AIG1: variants seen among roughly 807,000 people sequenced by gnomAD.
AIG1 encodes androgen induced 1.
In AIG1, 23 loss-of-function variants were observed where a neutral mutation model predicts 31.4. That is an observed-to-expected ratio of 0.73 (90% CI 0.53 to 1.04). AIG1 has a LOEUF of 1.04. Ranked by LOEUF, AIG1 falls within the 50% of genes least tolerant of loss-of-function variation. The pLI, the probability that AIG1 is intolerant of heterozygous loss-of-function variation, is 0.00. For synonymous variants in AIG1, 100 were observed against 110.5 expected (o/e 0.90, Z 0.60); for missense variants, 274 against 295.0 (o/e 0.93, Z 0.52).
intron 2 of AIG1, among the ~76,000 whole-genome samples, chr6:143,162,851 G>A (rs1183481695): frequency 2.6e-5 from 4 of 152,142 alleles, no homozygotes; most frequent in African/African-American, 9.7e-5. Context: ...TGTGGGCAGG[G>A]AATTCCAGGC....
At chr6:143,165,400 G>C (rs1428917996) in intron 3 of AIG1, among the ~76,000 whole-genome samples, 1 of 152,180 alleles carries the variant, frequency 6.6e-6, no homozygotes, top group African/African-American at 2.4e-5. Context: ...CGATGTAGTA[G>C]ATGAATCCAC....
chr6:143,099,108 G>A (rs567725003), intron 1 of AIG1, among the ~76,000 whole-genome samples: 1 of 152,256 alleles, frequency 6.6e-6, no homozygotes, highest in South Asian at 2.1e-4. Context: ...AAGACCATCA[G>A]TTTTCACTTA....
chr6:143,216,805 C>T (rs927044990), intron 3 of AIG1, among the ~76,000 whole-genome samples: 4 of 152,260 alleles, frequency 2.6e-5, no homozygotes, highest in South Asian at 2.1e-4. Flanking sequence ...TCCCCAGCTG[C>T]GTGAGGACAG....
chr6:143,100,612 A>G (rs1353712361), intron 1 of AIG1, among the ~76,000 whole-genome samples: 2 of 152,160 alleles, frequency 1.3e-5, no homozygotes, highest in African/African-American at 4.8e-5. Context: ...CAATATATAC[A>G]TTGCAAGCCT....
At chr6:143,259,277 A>C (rs1795578047) in intron 3 of AIG1, among the ~76,000 whole-genome samples, 1 of 152,222 alleles carries the variant, frequency 6.6e-6, no homozygotes, top group African/African-American at 2.4e-5. Flanking sequence ...AGACTAAGAC[A>C]ACCTGCATTT....
At chr6:143,301,227 C>T (rs1331316135) in intron 4 of AIG1, among the ~76,000 whole-genome samples, 1 of 152,184 alleles carries the variant, frequency 6.6e-6, no homozygotes, top group African/African-American at 2.4e-5. Flanking sequence ...TTGCAATGTT[C>T]AAGGCAGTCA....
At chr6:143,096,455 G>A (rs1779800959) in intron 1 of AIG1, among the ~76,000 whole-genome samples, 2 of 152,288 alleles carry the variant, frequency 1.3e-5, no homozygotes, top group South Asian at 4.1e-4. Flanking sequence ...AGTTTCAAAG[G>A]TAAATTGCAG....
At chr6:143,066,854 T>C (rs1776760379) in intron 1 of AIG1, among the ~76,000 whole-genome samples, 1 of 152,130 alleles carries the variant, frequency 6.6e-6, no homozygotes, top group Admixed American at 6.5e-5. Context: ...TTCAAGGTAA[T>C]TTATCACTCA....
Position 143,166,635 on chromosome 6 carries a change from G to T in AIG1, c.399+1452G>T, listed in dbSNP as rs111930801. The stretch of plus-strand genomic sequence containing the variant: ...TCCAAGCACTTCGCCCAGTTGTCTG[G>T]CATACAGTAGGATCAATACATATTT... On this transcript the variant is annotated intron_variant, in intron 3 of 5. Coordinates refer to ENST00000357847, the MANE Select transcript of AIG1 (RefSeq NM_016108.4). Among the ~76,000 whole-genome samples the T allele has an allele frequency of 7.5e-3, 1,145 of 152,280 alleles. 7 individuals are homozygous for T. Among genetic ancestry groups the T allele is most frequent in the African/African-American group, 0.026 (1,074 of 41,558 alleles).
At chr6:143,157,874 G>GAC (rs2128555386) in intron 2 of AIG1, among the ~76,000 whole-genome samples, 1 of 152,136 alleles carries the variant, frequency 6.6e-6, no homozygotes. Context: ...TCCTCTCTAT[G>GAC]TTTTTTGTGT....
intron 3 of AIG1, among the ~76,000 whole-genome samples, chr6:143,224,238 C>T (rs137980991): frequency 1.3e-5 from 2 of 152,348 alleles, no homozygotes; most frequent in African/African-American, 4.8e-5. Flanking sequence ...TAAGACCACA[C>T]ATCCAAACCG....
At chr6:143,272,905 C>T (rs770646088) in intron 3 of AIG1, among the ~76,000 whole-genome samples, 81 of 152,140 alleles carry the variant, frequency 5.3e-4, no homozygotes, top group African/African-American at 1.6e-3. Context: ...CCGAGGTGGG[C>T]GAATCACAAG....
At chr6:143,060,804 G>GC (rs1227735388), upstream of AIG1, 23 of 25,714 alleles carry the variant, frequency 8.9e-4, no homozygotes, top group African/African-American at 2.3e-3. Flanking sequence ...CCCCGCCCCC[G>GC]CCCCGCCCCG....
In AIG1 at chr6:143,284,099, T is replaced by C; in HGVS notation, c.400-11T>C. ...AGCAATCTGTGTCACCTAGTCTCTG[T>C]TATTTTCCAGCACACGACGGTTCTG... On this transcript the variant is annotated splice_polypyrimidine_tract_variant and intron_variant, in intron 3 of 5. Transcript: ENST00000357847. The surrounding 1 kb of genome is among the most constrained non-coding windows in gnomAD (Gnocchi z 4.4). The C allele has an allele frequency of 6.2e-7, 1 of 1,600,386 alleles. No individual in the cohort carries two copies. Among genetic ancestry groups the C allele is most frequent in the Non-Finnish European group, 8.6e-7 (1 of 1,167,952 alleles).
intron 3 of AIG1, chr6:143,189,091 G>A (rs1383067138): frequency 2.3e-6 from 2 of 860,696 alleles, no homozygotes; most frequent in African/African-American, 3.7e-5. Flanking sequence ...ATCCAGGCTG[G>A]AATACACAGT....
intron 4 of AIG1, among the ~76,000 whole-genome samples, chr6:143,295,236 A>G (rs1044257968): frequency 3.9e-5 from 6 of 152,194 alleles, no homozygotes; most frequent in Non-Finnish European, 7.4e-5. Flanking sequence ...GCTTTGCTCC[A>G]TCTCCACTGC....
chr6:143,092,116 A>T (rs535106880), intron 1 of AIG1, among the ~76,000 whole-genome samples: 3 of 151,974 alleles, frequency 2.0e-5, no homozygotes, highest in South Asian at 4.1e-4. Context: ...TTATTTATTT[A>T]TTTTTTGAGA....
rs139534207 is a variant in AIG1, at chr6:143,327,229, A to T, written c.516-6053A>T. The T allele has an allele frequency of 1.4e-3, 261 of 183,770 alleles. 1 individual carries two copies. The highest frequency in any genetic ancestry group is 5.5e-3 in the African/African-American group (232 of 41,966). The allele number at this position is 183,770 out of a possible 1,614,324, so 11.4% of individuals were successfully genotyped here. ...TAACCTTGATAAGACAAGCTAATGG[A>T]TTGGACAATCGCTACACTCTTCCTT... On this transcript the variant is annotated intron_variant, in intron 4 of 5. Coordinates refer to ENST00000357847, the MANE Select transcript of AIG1 (RefSeq NM_016108.4). The surrounding 1 kb of genome is among the most constrained non-coding windows in gnomAD (Gnocchi z 5.3).
At chr6:143,188,079 G>A (rs1789435260) in intron 3 of AIG1, 3 of 1,047,674 alleles carry the variant, frequency 2.9e-6, no homozygotes, top group East Asian at 8.2e-5. Context: ...TGCTCAAAGG[G>A]TACAGTGATA....
Sources: allele counts gnomAD v4.1 joint callset (sites outside exome capture counted in the v4.1 genomes callset), GRCh38; gene constraint gnomAD v4.1.1; non-coding constraint Gnocchi (gnomAD v3.1); transcripts MANE v1.5; gene names NCBI Gene and HGNC (gene_info 2026-07-23, HGNC 2026-07-21).